RUFY3: variants seen among roughly 807,000 people sequenced by gnomAD.
RUFY3 encodes the protein RUN and FYVE domain containing 3.
In RUFY3, 34 loss-of-function variants were observed where a neutral mutation model predicts 84.0. That is an observed-to-expected ratio of 0.40 (90% CI 0.31 to 0.54). The LOEUF is 0.54. Ranked by LOEUF, RUFY3 falls within the 20% of genes least tolerant of loss-of-function variation. The pLI is 0.39. For synonymous variants in RUFY3, 242 were observed against 252.9 expected, an observed-to-expected ratio of 0.96 and a Z score of 0.41; for missense variants, 507 against 736.8, an observed-to-expected ratio of 0.69 and a Z score of 3.61.
intron 3 of RUFY3, among the ~76,000 whole-genome samples, chr4:70,763,939 A>G (rs1248595844): frequency 2.6e-5 from 4 of 152,316 alleles, no homozygotes; most frequent in Non-Finnish European, 4.4e-5. Flanking sequence ...TGGGAGAATC[A>G]TATCTAAGGG....
At chr4:70,705,439 G>T (rs1207016379) in intron 1 of RUFY3, 1 of 539,762 alleles carries the variant, frequency 1.9e-6, no homozygotes, top group East Asian at 3.6e-5. Flanking sequence ...GGCTACCCTC[G>T]GGAAGCTGTT....
intron 17 of RUFY3, among the ~76,000 whole-genome samples, chr4:70,804,983 T>C (rs1276090571): frequency 1.3e-5 from 2 of 152,038 alleles, no homozygotes; most frequent in Non-Finnish European, 2.9e-5. Context: ...AATAAGCAGA[T>C]AGAAATGTAT....
At chr4:70,779,223 C>T (rs1453182899) in intron 8 of RUFY3, among the ~76,000 whole-genome samples, 1 of 152,134 alleles carries the variant, frequency 6.6e-6, no homozygotes, top group Non-Finnish European at 1.5e-5. Flanking sequence ...GTCAGAAGAT[C>T]AGTAATCCCT....
At position 70,788,321 on chromosome 4, in the gene RUFY3, A is replaced by G. The variant is rs184850976; in HGVS notation, c.1072-485A>G. Among the ~76,000 whole-genome samples the G allele has an allele frequency of 1.1e-4, 17 of 151,906 alleles. No individual in the cohort carries two copies. The East Asian group carries it at 1.2e-3, about 10-fold the overall frequency. On this transcript the variant is annotated intron_variant, in intron 10 of 17. Coordinates refer to ENST00000381006, the MANE Select transcript of RUFY3 (RefSeq NM_001037442.4). ...AAAAATCTGTTCGCCTCGTAACCAT[A>G]CTAGTCATCATCCTCAGTAATTGCG... is the stretch of plus-strand genomic sequence containing the variant.
chr4:70,759,356 T>TGTGTG lies in RUFY3; in HGVS notation c.179-3163_179-3162insGTGTG, dbSNP rs58429331. Among the ~76,000 whole-genome samples the TGTGTG allele has an allele frequency of 5.8e-3, 694 of 119,962 alleles. 4 individuals carry two copies. The highest frequency in any genetic ancestry group is 0.017 in the Middle Eastern group (4 of 240). The allele number at this position is 119,962 out of a possible 152,430, so 78.7% of individuals were successfully genotyped here. On this transcript the variant is annotated intron_variant, in intron 1 of 17. Transcript: ENST00000381006. ...GATTTCATTCTTTTTATGGCTGAAT[T>TGTGTG]TGTGTGTGTGTGTGTATGTGTGTGT...
chr4:70,787,329 C>G (rs1176368605), intron 10 of RUFY3, among the ~76,000 whole-genome samples: 1 of 145,756 alleles, frequency 6.9e-6, no homozygotes, highest in Non-Finnish European at 1.5e-5. Flanking sequence ...GTAGTCTCAG[C>G]TCACTGCAAC....
chr4:70,728,842 G>C (rs565896620), intron 1 of RUFY3, among the ~76,000 whole-genome samples: 1 of 150,850 alleles, frequency 6.6e-6, no homozygotes, highest in Admixed American at 6.6e-5. Context: ...ACTTTTTTCC[G>C]ATTACAAAAG....
upstream of RUFY3, among the ~76,000 whole-genome samples, chr4:70,720,834 A>G (rs1278073837): frequency 6.6e-6 from 1 of 151,924 alleles, no homozygotes; most frequent in African/African-American, 2.4e-5. Flanking sequence ...TCATAAAGCA[A>G]GTACCTGCCC....
In RUFY3 at chr4:70,770,653, C is replaced by T. The variant is rs1726804007; in HGVS notation, c.696+1992C>T. Among the ~76,000 whole-genome samples, 2 of 152,276 alleles carry T rather than the reference C, an allele frequency of 1.3e-5. 1 individual carries two copies. Among genetic ancestry groups the T allele is most frequent in the South Asian group, 4.1e-4 (2 of 4,826 alleles). On this transcript the variant is annotated intron_variant, in intron 5 of 17. Transcript: ENST00000381006. ...GGTTTGATCTTCTATACAGACCACT[C>T]AAACTTTATTCCTGTCAGCAATAAG...
At chr4:70,789,085 C>T in intron 11 of RUFY3, 112 bp downstream of exon 11, 1 of 1,456,474 alleles carries the variant, frequency 6.9e-7, no homozygotes, top group Non-Finnish European at 9.1e-7. Context: ...AGAATCACAT[C>T]TCATTTTGAT....
intron 14 of RUFY3, among the ~76,000 whole-genome samples, chr4:70,797,231 C>T (rs1461389490): frequency 1.3e-5 from 2 of 152,124 alleles, no homozygotes; most frequent in African/African-American, 4.8e-5. Flanking sequence ...GCATGAGCCA[C>T]CGTGCCCAGC....
intron 1 of RUFY3, among the ~76,000 whole-genome samples, chr4:70,755,171 C>T (rs761265030): frequency 4.6e-5 from 7 of 152,134 alleles, no homozygotes; most frequent in Non-Finnish European, 8.8e-5. Context: ...CGTGAGCCAC[C>T]AGCGTGAGCC....
upstream of RUFY3, among the ~76,000 whole-genome samples, chr4:70,717,495 A>G (rs1461639160): frequency 1.3e-5 from 2 of 152,188 alleles, no homozygotes; most frequent in East Asian, 3.8e-4. Context: ...ATTAAGGTGT[A>G]AAGTATGGAG....
intron 1 of RUFY3, among the ~76,000 whole-genome samples, chr4:70,761,824 A>T (rs915322923): frequency 2.6e-5 from 4 of 152,260 alleles, no homozygotes; most frequent in African/African-American, 9.6e-5. Context: ...ATAAAATACC[A>T]TAATGCAAAG....
upstream of RUFY3, among the ~76,000 whole-genome samples, chr4:70,720,835 G>A (rs564625418): frequency 6.6e-6 from 1 of 151,680 alleles, no homozygotes; most frequent in South Asian, 2.1e-4. Context: ...CATAAAGCAA[G>A]TACCTGCCCT....
At chr4:70,765,201 A>G (rs1725655671) in intron 4 of RUFY3, among the ~76,000 whole-genome samples, 1 of 134,912 alleles carries the variant, frequency 7.4e-6, no homozygotes, top group African/African-American at 2.8e-5. Flanking sequence ...AAAAAAAAAA[A>G]AAAATGTGTA....
At chr4:70,707,562 T>C (rs77867936) in intron 1 of RUFY3, among the ~76,000 whole-genome samples, 13,461 of 152,178 alleles carry the variant, frequency 0.088, 1,404 homozygotes, top group African/African-American at 0.23. Context: ...GTGTTTTTTG[T>C]TACCACGTAA....
intron 12 of RUFY3, among the ~76,000 whole-genome samples, chr4:70,790,736 C>T (rs1175597637): frequency 1.3e-5 from 2 of 152,088 alleles, no homozygotes; most frequent in East Asian, 3.9e-4. Flanking sequence ...TTTTAAGTTC[C>T]CGTATTAGAT....
intron 1 of RUFY3, among the ~76,000 whole-genome samples, chr4:70,742,326 T>C (rs576377386): frequency 6.6e-6 from 1 of 152,332 alleles, no homozygotes; most frequent in South Asian, 2.1e-4. Context: ...ATACTAAAAA[T>C]AGAAAAATTG....
Sources: allele counts gnomAD v4.1 joint callset (sites outside exome capture counted in the v4.1 genomes callset), GRCh38; gene constraint gnomAD v4.1.1; transcripts MANE v1.5; gene names NCBI Gene and HGNC (gene_info 2026-07-23, HGNC 2026-07-21).